IL10RA: variants seen among roughly 807,000 people sequenced by gnomAD.
The protein encoded by IL10RA is interleukin 10 receptor subunit alpha.
IL10RA carries 18 observed loss-of-function variants against 29.6 expected under a neutral mutation model. That is an observed-to-expected ratio of 0.61 (90% CI 0.42 to 0.90). The LOEUF (loss-of-function observed/expected upper bound fraction) is 0.90. IL10RA is among the 40% of genes least tolerant of loss of function. The pLI is 0.00. For missense variants in IL10RA, 634 were observed against 716.6 expected (o/e 0.88, Z 1.32); for synonymous variants, 292 against 294.1 (o/e 0.99, Z 0.07).
chr11:117,994,232 T>C (rs530908944), intron 5 of IL10RA, 83 bp downstream of exon 5: 48 of 1,219,948 alleles, frequency 3.9e-5, no homozygotes, highest in African/African-American at 6.0e-5. Flanking sequence ...CCTGGGATGC[T>C]GGTGCCAGCC....
intron 3 of IL10RA, 71 bp from the exon 4 acceptor site, chr11:117,993,170 C>A: frequency 7.1e-7 from 1 of 1,407,090 alleles, no homozygotes. Flanking sequence ...GGCAAAGTCT[C>A]GGCGGGGACA....
At chr11:117,996,740 G>T (rs1013067077) in intron 6 of IL10RA, among the ~76,000 whole-genome samples, 5 of 152,192 alleles carry the variant, frequency 3.3e-5, no homozygotes, top group Admixed American at 2.6e-4. Context: ...ACAGGCATCT[G>T]CCACCATGCC....
rs544340601 is a variant in IL10RA, at chr11:117,994,068, G to T, written c.607G>T (p.Val203Phe). 8 of 1,614,094 alleles carry T rather than the reference G, an allele frequency of 5.0e-6. No individual in the cohort carries two copies. The highest frequency in any genetic ancestry group is 6.8e-6 in the Non-Finnish European group (8 of 1,179,896). The change falls in exon 5 of 7, where the codon GTC becomes TTC. Residue 203 changes from valine to phenylalanine, a missense_variant. Physicochemically the swap from Val to Phe is conservative, Grantham distance 50. Coordinates refer to ENST00000227752, the MANE Select transcript of IL10RA (RefSeq NM_001558.4). ...CTCTGGAGAAGTGGGAGAGTTCTGT[G>T]TCCAGGTGAAACCATCTGTCGCTTC... ...LTSGEVGEFC[V>F]QVKPSVASRS...
Position 117,999,523 on chromosome 11 carries a change from G to T in IL10RA, c.1619G>T (p.Ser540Ile), listed in dbSNP as rs566297847. The T allele has an allele frequency of 3.7e-6, 6 of 1,614,110 alleles. No individual in the cohort carries two copies. Among genetic ancestry groups the T allele is most frequent in the East Asian group, 2.2e-5 (1 of 44,898 alleles). Residue 540 changes from serine to isoleucine, a missense_variant, in exon 7 of 7, where the codon AGC becomes ATC. Coordinates refer to ENST00000227752, the MANE Select transcript of IL10RA (RefSeq NM_001558.4). ...AGTGACCTGGGAATATCTGACTGGA[G>T]CTTTGCCCATGACCTTGCCCCTCTA... Reference protein sequence around the residue: ...SCSDLGISDWSFAHDLAPLGC... With the variant: ...SCSDLGISDWIFAHDLAPLGC...
At chr11:117,988,188 G>A in intron 1 of IL10RA, 194 bp from the exon 2 acceptor site, 1 of 666,246 alleles carries the variant, frequency 1.5e-6, no homozygotes, top group Admixed American at 2.3e-5. Context: ...AGAGCACAGG[G>A]CAGTGATTTA....
At chr11:117,988,999 G>A (rs1463647860) in intron 2 of IL10RA, among the ~76,000 whole-genome samples, 1 of 152,184 alleles carries the variant, frequency 6.6e-6, no homozygotes, top group African/African-American at 2.4e-5. Context: ...GACTTCAGGT[G>A]ATCCACCCGC....
rs2057990562 is a variant in IL10RA, at chr11:117,986,931, CTCTG to C, written c.67+404_67+407del. The C allele has an allele frequency of 1.2e-5, 11 of 903,214 alleles. No homozygotes were observed. The Middle Eastern group carries it at 2.4e-3, about 201-fold the overall frequency. 55.9% of individuals were successfully genotyped at this position (903,214 alleles called of 1,614,324 possible). On this transcript the variant is annotated intron_variant, in intron 1 of 6. Coordinates refer to ENST00000227752, the MANE Select transcript of IL10RA (RefSeq NM_001558.4). ...TCTCTTAGTCGACTCTTCAACTAAC[CTCTG>C]TCTGTCCTTCTCCCATCTCACCTTC...
Position 117,989,985 on chromosome 11 carries a change from A to G in IL10RA, c.367+365A>G, listed in dbSNP as rs1485133575. Among the ~76,000 whole-genome samples, 1 of 152,086 alleles carries G rather than the reference A, an allele frequency of 6.6e-6. No individual in the cohort carries two copies. The highest frequency in any genetic ancestry group is 1.5e-5 in the Non-Finnish European group (1 of 68,036). ...GCAAGCAGTAGGCAGAATTTGGGTG[A>G]ACGCCCCGCTTCTTTAGGGGTGAAC... On this transcript the variant is annotated intron_variant, in intron 3 of 6. Transcript: ENST00000227752. The surrounding 1 kb of genome is among the most constrained non-coding windows in gnomAD (Gnocchi z 4.5).
downstream of IL10RA, chr11:118,001,641 A>T (rs1218752678): frequency 5.7e-6 from 2 of 349,962 alleles, no homozygotes; most frequent in East Asian, 7.4e-5. Context: ...GGGAGTCCTC[A>T]TGCTACCTGT....
At chr11:117,996,444 C>T (rs958873816) in intron 6 of IL10RA, among the ~76,000 whole-genome samples, 2 of 152,248 alleles carry the variant, frequency 1.3e-5, no homozygotes, top group East Asian at 1.9e-4. Flanking sequence ...TTCCAAACCT[C>T]GGCCTGGTCT....
At position 117,989,713 on chromosome 11, in the gene IL10RA, AC is replaced by A; in HGVS notation, c.367+95del. 1 of 1,293,300 alleles carries A rather than the reference AC, an allele frequency of 7.7e-7. No individual in the cohort carries two copies. The highest frequency in any genetic ancestry group is 1.1e-6 in the Non-Finnish European group (1 of 915,438). 80.1% of individuals were successfully genotyped at this position (1,293,300 alleles called of 1,614,324 possible). A position where few individuals can be genotyped will look rare whatever the true frequency, so the allele number is the denominator to read the frequency against. On this transcript the variant is annotated intron_variant, in intron 3 of 6. Coordinates refer to ENST00000227752, the MANE Select transcript of IL10RA (RefSeq NM_001558.4). The surrounding 1 kb of genome is among the most constrained non-coding windows in gnomAD (Gnocchi z 4.5). The stretch of plus-strand genomic sequence containing the variant: ...GCTTTTCTGTCTATTACCATAGCTC[AC>A]CATGTCTGCCAGCCTCCCTGGCCGG...
At chr11:117,992,777 G>A (rs2058031433) in intron 3 of IL10RA, among the ~76,000 whole-genome samples, 1 of 152,198 alleles carries the variant, frequency 6.6e-6, no homozygotes, top group African/African-American at 2.4e-5. Context: ...CCAGACCAAA[G>A]TCTTAGAACT....
chr11:117,995,512 A>T, intron 5 of IL10RA, 77 bp from the exon 6 acceptor site: 1 of 1,588,776 alleles, frequency 6.3e-7, no homozygotes, highest in Non-Finnish European at 8.6e-7. Context: ...AATGGATTTC[A>T]TGGGACCAGA....
intron 5 of IL10RA, among the ~76,000 whole-genome samples, chr11:117,994,390 C>G (rs771301523): frequency 3.9e-5 from 6 of 152,202 alleles, no homozygotes; most frequent in Non-Finnish European, 7.4e-5. Context: ...AACCAGGTCT[C>G]TTGGATCTAG....
At chr11:117,992,678 G>A (rs185703084) in intron 3 of IL10RA, among the ~76,000 whole-genome samples, 174 of 152,258 alleles carry the variant, frequency 1.1e-3, no homozygotes, top group African/African-American at 4.0e-3. Flanking sequence ...CTTTTGCTGT[G>A]CAGAAGCTCT....
At chr11:117,987,153 A>C (rs1463543161) in intron 1 of IL10RA, 1 of 328,322 alleles carries the variant, frequency 3.0e-6, no homozygotes, top group Non-Finnish European at 6.0e-6. Flanking sequence ...ACAGAATGAA[A>C]GAGCCGGGAG....
At position 117,998,941 on chromosome 11, in the gene IL10RA, G is replaced by A; in HGVS notation, c.1037G>A (p.Arg346Lys). The A allele has an allele frequency of 5.0e-6, 8 of 1,613,498 alleles. No homozygotes were observed. The highest frequency in any genetic ancestry group is 5.9e-6 in the Non-Finnish European group (7 of 1,179,514). The change falls in exon 7 of 7, where the codon AGA (arginine) becomes AAA (lysine). Residue 346 changes from arginine to lysine, a missense_variant. Arg to Lys is a conservative substitution (Grantham distance 26). Coordinates refer to ENST00000227752, the MANE Select transcript of IL10RA (RefSeq NM_001558.4). ...LLPDPHPQAD[R>K]TLGNREPPVL... is the part of the protein sequence containing the mutation. Reference sequence around the variant, plus strand: ...CCTGACCCTCACCCCCAGGCTGACAGAACGCTGGGAAACAGGGAGCCCCCT... The same window carrying A: ...CCTGACCCTCACCCCCAGGCTGACAAAACGCTGGGAAACAGGGAGCCCCCT...
Position 117,999,031 on chromosome 11 carries a change from A to C in IL10RA, c.1127A>C (p.Glu376Ala). The C allele has an allele frequency of 6.2e-7, 1 of 1,613,342 alleles. No homozygotes were observed. Among genetic ancestry groups the C allele is most frequent in the Non-Finnish European group, 8.5e-7 (1 of 1,179,376 alleles). The part of the protein sequence containing the change: ...NSTDSGICLQ[E>A]PSLSPSTGPT... ...ACAGACAGCGGGATCTGCCTGCAGG[A>C]GCCCAGCCTGAGCCCCAGCACAGGG... Residue 376 changes from glutamate to alanine, a missense_variant, in exon 7 of 7, where the codon GAG becomes GCG. Coordinates refer to ENST00000227752, the MANE Select transcript of IL10RA (RefSeq NM_001558.4).
intron 5 of IL10RA, 46 bp from the exon 6 acceptor site, chr11:117,995,543 G>A (rs1284613855): frequency 1.3e-5 from 21 of 1,612,932 alleles, no homozygotes; most frequent in Admixed American, 5.0e-5. Context: ...CAGAATCACC[G>A]TGCCCCATGG....
Sources: gnomAD v4.1 joint callset for allele counts (sites outside exome capture counted in the v4.1 genomes callset) on GRCh38, gnomAD v4.1.1 for gene constraint, Gnocchi (gnomAD v3.1) non-coding constraint, MANE v1.5 for transcripts, NCBI Gene and HGNC (gene_info 2026-07-23, HGNC 2026-07-21) for gene names.